TMLHE: variants seen among roughly 807,000 people sequenced by gnomAD.
The protein encoded by TMLHE is trimethyllysine hydroxylase, epsilon.
TMLHE carries 18 observed loss-of-function variants against 25.7 expected under a neutral mutation model. The observed-to-expected ratio is 0.70, with a 90% CI of 0.48 to 1.04. TMLHE has a LOEUF of 1.04. Among genes scored for constraint, TMLHE ranks in the 50% least tolerant of loss-of-function variants. The pLI is 0.00. For missense variants in TMLHE, 236 were observed against 259.0 expected, an observed-to-expected ratio of 0.91 and a Z score of 0.61; for synonymous variants, 105 against 97.0, an observed-to-expected ratio of 1.08 and a Z score of -0.49.
At chrX:155,578,899 G>T (rs782710536) in intron 1 of TMLHE, among the ~76,000 whole-genome samples, 15 of 111,973 alleles carry the variant, frequency 1.3e-4, no homozygotes, top group African/African-American at 4.9e-4. Flanking sequence ...AAAACTTGTA[G>T]AGTTGATTTC....
At chrX:155,594,461 C>T (rs1033421718) in intron 1 of TMLHE, among the ~76,000 whole-genome samples, 17 of 111,884 alleles carry the variant, frequency 1.5e-4, no homozygotes, top group Non-Finnish European at 2.6e-4. Context: ...ACCACTAGGC[C>T]TGCCCTGCAG....
At chrX:155,523,475 T>G (rs1480919336) in intron 3 of TMLHE, among the ~76,000 whole-genome samples, 1 of 111,546 alleles carries the variant, frequency 9.0e-6, no homozygotes. Flanking sequence ...AAAGATAAGT[T>G]GACTATATTT....
In TMLHE at chrX:155,510,819, C is replaced by T. The variant is rs112972622; in HGVS notation, c.758+854G>A. Among the ~76,000 whole-genome samples the T allele has an allele frequency of 2.1e-3, 218 of 106,035 alleles. 1 individual carries two copies. Among genetic ancestry groups the T allele is most frequent in the African/African-American group, 7.1e-3 (210 of 29,733 alleles). 92.1% of individuals were successfully genotyped at this position (106,035 alleles called of 115,157 possible). A position where few individuals can be genotyped will look rare whatever the true frequency, so the allele number is the denominator to read the frequency against. On this transcript the variant is annotated intron_variant, in intron 5 of 7. Transcript: ENST00000334398. ...TTCTAGTTCTAGATCCCTGAGGAAT[C>T]GCCACACTGACTTCCACAATGGTTG...
intron 1 of TMLHE, among the ~76,000 whole-genome samples, chrX:155,548,533 AGGCCAGCCTGACTAACAT>A (rs1274198698): frequency 2.7e-5 from 3 of 109,209 alleles, no homozygotes; most frequent in African/African-American, 3.4e-5. Flanking sequence ...CAGCAGTATG[AGGCCAGCCTGACTAACAT>A]GGTGAAACCC....
chrX:155,545,563 C>T (rs1451330097), intron 1 of TMLHE, among the ~76,000 whole-genome samples: 2 of 112,094 alleles, frequency 1.8e-5, no homozygotes, highest in Non-Finnish European at 3.8e-5. Context: ...CTTCCAAATA[C>T]ATACAGTCAT....
chrX:155,559,061 G>T (rs1169502255), intron 1 of TMLHE, among the ~76,000 whole-genome samples: 3 of 110,938 alleles, frequency 2.7e-5, no homozygotes, highest in Non-Finnish European at 5.7e-5. Context: ...CTTTTTCTTT[G>T]TTAGCCTCAG....
intron 1 of TMLHE, among the ~76,000 whole-genome samples, chrX:155,608,221 G>C (rs1368788360): frequency 2.7e-5 from 3 of 111,527 alleles, no homozygotes; most frequent in Non-Finnish European, 3.8e-5. Flanking sequence ...TAGACCAATG[G>C]AACAAAATGG....
At chrX:155,581,399 C>A (rs951662330) in intron 1 of TMLHE, among the ~76,000 whole-genome samples, 11 of 111,927 alleles carry the variant, frequency 9.8e-5, no homozygotes, top group Non-Finnish European at 1.9e-4. Context: ...TGTTTGCAGA[C>A]AACATGATGT....
At chrX:155,603,479 AAAG>A (rs1332206711) in intron 1 of TMLHE, among the ~76,000 whole-genome samples, 1 of 112,268 alleles carries the variant, frequency 8.9e-6, no homozygotes, top group Non-Finnish European at 1.9e-5. Context: ...CAATGTTGAA[AAAG>A]AAGAACAAAA....
intron 1 of TMLHE, among the ~76,000 whole-genome samples, chrX:155,587,589 TG>T (rs1477347549): frequency 3.6e-5 from 4 of 111,563 alleles, no homozygotes; most frequent in African/African-American, 1.3e-4. Context: ...TCTTTGCTGA[TG>T]ATATGATCTT....
chrX:155,544,727 T>G (rs977473806), intron 2 of TMLHE, among the ~76,000 whole-genome samples: 1 of 111,287 alleles, frequency 9.0e-6, no homozygotes, highest in Non-Finnish European at 1.9e-5. Flanking sequence ...TCTTTATTTT[T>G]TTTTCCCTTA....
chrX:155,532,990 A>C (rs782493954), intron 2 of TMLHE, among the ~76,000 whole-genome samples: 1 of 111,821 alleles, frequency 8.9e-6, no homozygotes, highest in South Asian at 3.7e-4. Flanking sequence ...ATTTGACTGG[A>C]CCATGGGGTG....
chrX:155,554,698 G>A lies in TMLHE; in HGVS notation c.-1-9421C>T, dbSNP rs73641125. Among the ~76,000 whole-genome samples, 503 of 109,569 alleles carry A rather than the reference G, an allele frequency of 4.6e-3. 14 individuals are homozygous for A. Among genetic ancestry groups the A allele is most frequent in the African/African-American group, 0.016 (479 of 29,852 alleles). On this transcript the variant is annotated intron_variant, in intron 1 of 7. Transcript: ENST00000334398. ...AGGCAGATTTCTAAGATGACCTCCA[G>A]TTACCCTTGCTGTTGTAAAATCTTT... is the stretch of plus-strand genomic sequence containing the variant.
At chrX:155,549,943 C>T (rs782394818) in intron 1 of TMLHE, among the ~76,000 whole-genome samples, 2 of 109,408 alleles carry the variant, frequency 1.8e-5, no homozygotes, top group Non-Finnish European at 3.8e-5. Context: ...TCTCATTGTT[C>T]AACTCCCACT....
At chrX:155,600,238 C>A (rs1170140609) in intron 1 of TMLHE, among the ~76,000 whole-genome samples, 1 of 111,279 alleles carries the variant, frequency 9.0e-6, no homozygotes, top group East Asian at 2.8e-4. Context: ...TATTTGTAGC[C>A]GTCACATTCA....
At chrX:155,582,939 T>C (rs1284047130) in intron 1 of TMLHE, among the ~76,000 whole-genome samples, 3 of 112,325 alleles carry the variant, frequency 2.7e-5, no homozygotes, top group Non-Finnish European at 3.8e-5. Context: ...CCATCAATGA[T>C]AGACTGGATT....
At chrX:155,546,751 C>A (rs782067877) in intron 1 of TMLHE, among the ~76,000 whole-genome samples, 2 of 111,743 alleles carry the variant, frequency 1.8e-5, no homozygotes, top group South Asian at 7.5e-4. Flanking sequence ...AGCACAGAAA[C>A]TCCTCTGCTG....
At chrX:155,549,916 T>C (rs782502857) in intron 1 of TMLHE, among the ~76,000 whole-genome samples, 10 of 109,031 alleles carry the variant, frequency 9.2e-5, no homozygotes, top group Non-Finnish European at 1.3e-4. Flanking sequence ...GCTCTTCCCC[T>C]CCCTGTGCCC....
intron 2 of TMLHE, among the ~76,000 whole-genome samples, chrX:155,526,748 C>G (rs2067222102): frequency 8.9e-6 from 1 of 112,891 alleles, no homozygotes; most frequent in Non-Finnish European, 1.9e-5. Flanking sequence ...GGGAACCCAC[C>G]CCTTGAATCA....
Sources: gnomAD v4.1 joint callset for allele counts (sites outside exome capture counted in the v4.1 genomes callset) on GRCh38, gnomAD v4.1.1 for gene constraint, MANE v1.5 for transcripts, NCBI Gene and HGNC (gene_info 2026-07-23, HGNC 2026-07-21) for gene names.